The following PTPRQ variants were observed in gnomAD, a reference collection of about 807,000 sequenced individuals.
PTPRQ encodes protein tyrosine phosphatase receptor type Q.
In PTPRQ, 199 loss-of-function variants were observed where a neutral mutation model predicts 246.0. The observed-to-expected ratio is 0.81, with a 90% CI of 0.72 to 0.91. PTPRQ has a LOEUF of 0.91. Ranked by LOEUF, PTPRQ falls within the 40% of genes least tolerant of loss-of-function variation. The probability of loss-of-function intolerance (pLI) is 0.00; values close to 1 mark genes in which losing one functional copy is unlikely to be tolerated. For missense variants in PTPRQ, 2,624 were observed against 2,528.4 expected, an observed-to-expected ratio of 1.04 and a Z score of -0.81; for synonymous variants, 869 against 853.2, an observed-to-expected ratio of 1.02 and a Z score of -0.32.
In PTPRQ at chr12:80,506,087, C is replaced by A; in HGVS notation, c.2336C>A (p.Ser779Ter). ...ATTTCTTCTGGAGAGATTGAGCTAT[C>A]ATTCCTTCCCCCAAGTAGTCCCAAT... ...KNISSGEIEL[S>*]FLPPSSPNGI... The change falls in exon 15 of 45, where the codon TCA (serine) becomes TAA (stop). Residue 779 changes from serine (S) to a stop codon, truncating the protein, a stop_gained. Transcript: ENST00000644991. LOFTEE classifies it high-confidence loss of function. The A allele has an allele frequency of 6.5e-7, 1 of 1,546,398 alleles. No homozygotes were observed. Among genetic ancestry groups the A allele is most frequent in the Non-Finnish European group, 8.7e-7 (1 of 1,144,764 alleles).
rs528198803 is a variant in PTPRQ at position 80,606,767 on chromosome 12, G to A, written c.4731+1587G>A. 5.3e-5 allele frequency among the ~76,000 whole-genome samples: 8 copies of A among 151,008 alleles called. No homozygotes were observed. In the East Asian group the frequency reaches 1.6e-3, roughly 29 times the overall value. On this transcript the variant is annotated intron_variant, in intron 27 of 44. Transcript: ENST00000644991. ...GTTGATGTATTTGTTCTCCAATTCA[G>A]TCTCTATTTTCTGTTCCTTTTGTAG...
At chr12:80,483,987 TTTTGTTTG>T (rs71094983) in intron 8 of PTPRQ, among the ~76,000 whole-genome samples, 2,879 of 149,314 alleles carry the variant, frequency 0.019, 94 homozygotes, top group African/African-American at 0.066. Context: ...CTTTCTTGTT[TTTTGTTTG>T]TTTGTTTGTT....
chr12:80,501,410 A>G (rs760002015), intron 14 of PTPRQ, among the ~76,000 whole-genome samples: 61 of 151,956 alleles, frequency 4.0e-4, no homozygotes, highest in Non-Finnish European at 6.5e-4. Flanking sequence ...GGGGCAGTCC[A>G]GGGAAGAGGT....
intron 25 of PTPRQ, among the ~76,000 whole-genome samples, chr12:80,565,359 T>C (rs1214398981): frequency 6.6e-6 from 1 of 152,212 alleles, no homozygotes; most frequent in East Asian, 1.9e-4. Flanking sequence ...TAAGGCCAGC[T>C]GTTCTTTGAG....
chr12:80,453,352 T>A (rs4460867), intron 3 of PTPRQ, among the ~76,000 whole-genome samples: 3 of 152,228 alleles, frequency 2.0e-5, no homozygotes, highest in Admixed American at 1.3e-4. Flanking sequence ...GTCCGAAGCC[T>A]TCTTCTCTCA....
At chr12:80,618,403 C>T (rs943221679) in intron 30 of PTPRQ, among the ~76,000 whole-genome samples, 1 of 146,474 alleles carries the variant, frequency 6.8e-6, no homozygotes, top group East Asian at 2.0e-4. Context: ...CACACACACA[C>T]AGTGAGCTAT....
intron 7 of PTPRQ, among the ~76,000 whole-genome samples, chr12:80,471,714 T>C: frequency 6.6e-6 from 1 of 150,890 alleles, no homozygotes; most frequent in Non-Finnish European, 1.5e-5. Flanking sequence ...CCTGACCTCG[T>C]GATCCGCCCG....
intron 8 of PTPRQ, 48 bp downstream of exon 8, chr12:80,472,299 T>A (rs1893666342): frequency 6.5e-7 from 1 of 1,536,482 alleles, no homozygotes. Flanking sequence ...GCTTATGAAC[T>A]TCATGAATTG....
chr12:80,563,473 C>G (rs183653818), intron 25 of PTPRQ, among the ~76,000 whole-genome samples: 2 of 152,188 alleles, frequency 1.3e-5, no homozygotes, highest in Admixed American at 1.3e-4. Flanking sequence ...GCCTTATATC[C>G]TAATGTCATC....
At chr12:80,478,494 C>A (rs949176932) in intron 8 of PTPRQ, among the ~76,000 whole-genome samples, 93 of 152,290 alleles carry the variant, frequency 6.1e-4, no homozygotes, top group Non-Finnish European at 1.0e-3. Context: ...CAAAGGAATG[C>A]AGTTCCTCAC....
chr12:80,602,348 C>T (rs1280089186), intron 26 of PTPRQ, among the ~76,000 whole-genome samples: 1 of 151,722 alleles, frequency 6.6e-6, no homozygotes, highest in African/African-American at 2.4e-5. Flanking sequence ...ATATCAATTA[C>T]TTATTCACAG....
intron 25 of PTPRQ, among the ~76,000 whole-genome samples, chr12:80,570,046 T>A (rs953586128): frequency 4.6e-5 from 7 of 152,222 alleles, no homozygotes; most frequent in Non-Finnish European, 2.9e-5. Context: ...TAAACATACA[T>A]GTGCATGTGT....
At chr12:80,632,925 G>A (rs1427985328) in intron 34 of PTPRQ, among the ~76,000 whole-genome samples, 1 of 152,186 alleles carries the variant, frequency 6.6e-6, no homozygotes, top group African/African-American at 2.4e-5. Context: ...TCACTTCAGA[G>A]GCAACAAGAG....
chr12:80,617,233 C>G (rs949727411), intron 30 of PTPRQ, among the ~76,000 whole-genome samples: 1 of 151,054 alleles, frequency 6.6e-6, no homozygotes, highest in African/African-American at 2.4e-5. Flanking sequence ...CTCAAAGTTA[C>G]TAACTTTGAG....
chr12:80,533,033 T>A (rs1351152496), intron 17 of PTPRQ, among the ~76,000 whole-genome samples: 3 of 152,200 alleles, frequency 2.0e-5, no homozygotes, highest in Admixed American at 2.0e-4. Context: ...TTCATTTACT[T>A]CTTCAGTGCT....
At chr12:80,606,768 T>C (rs1424758652) in intron 27 of PTPRQ, among the ~76,000 whole-genome samples, 1 of 151,000 alleles carries the variant, frequency 6.6e-6, no homozygotes, top group Non-Finnish European at 1.5e-5. Flanking sequence ...TCCAATTCAG[T>C]CTCTATTTTC....
chr12:80,659,436 G>A (rs759367004), intron 39 of PTPRQ, among the ~76,000 whole-genome samples: 1 of 151,960 alleles, frequency 6.6e-6, no homozygotes, highest in East Asian at 1.9e-4. Flanking sequence ...AGCAGGACAA[G>A]GACAACTGGT....
At chr12:80,542,455 T>G in intron 22 of PTPRQ, 91 bp downstream of exon 22, 6 of 1,452,138 alleles carry the variant, frequency 4.1e-6, no homozygotes, top group East Asian at 2.5e-5. Flanking sequence ...TGAAAGGATA[T>G]CTGATTGTCT....
chr12:80,548,096 T>C (rs991258665), intron 24 of PTPRQ, among the ~76,000 whole-genome samples: 2 of 152,088 alleles, frequency 1.3e-5, no homozygotes, highest in African/African-American at 4.8e-5. Context: ...ATGAGGACAA[T>C]AAGAATCAGG....
Sources: gnomAD v4.1 joint callset for allele counts (sites outside exome capture counted in the v4.1 genomes callset) on GRCh38, gnomAD v4.1.1 for gene constraint, MANE v1.5 for transcripts, NCBI Gene and HGNC (gene_info 2026-07-23, HGNC 2026-07-21) for gene names.